TENM1: variants seen among roughly 807,000 people sequenced by gnomAD.
TENM1 encodes the protein teneurin transmembrane protein 1.
In TENM1, 35 loss-of-function variants were observed where a neutral mutation model predicts 174.8. The ratio of observed to expected loss-of-function variants is 0.20; its 90% confidence interval spans 0.15 to 0.27. The LOEUF (loss-of-function observed/expected upper bound fraction) is 0.27. Ranked by LOEUF, TENM1 falls within the 10% of genes least tolerant of loss-of-function variation. The pLI, the probability that TENM1 is intolerant of heterozygous loss-of-function variation, is 1.00. For missense variants in TENM1, 1,633 were observed against 2,130.1 expected (o/e 0.77, Z 4.59); for synonymous variants, 781 against 798.7 (o/e 0.98, Z 0.37).
At chrX:124,847,117 A>G (rs2147383378) in intron 3 of TENM1, among the ~76,000 whole-genome samples, 1 of 110,934 alleles carries the variant, frequency 9.0e-6, no homozygotes, top group East Asian at 2.8e-4. Flanking sequence ...ATATCTGTAC[A>G]GGTTTCTTTA....
intron 5 of TENM1, among the ~76,000 whole-genome samples, chrX:124,696,166 C>T (rs962579100): frequency 9.0e-6 from 1 of 111,714 alleles, no homozygotes; most frequent in African/African-American, 3.2e-5. Context: ...CTATTATAGC[C>T]TGGAGTAGCA....
intron 3 of TENM1, among the ~76,000 whole-genome samples, chrX:124,819,949 T>A (rs1021481944): frequency 2.2e-4 from 24 of 109,405 alleles, no homozygotes; most frequent in Admixed American, 9.8e-4. Flanking sequence ...GTGTGTACCA[T>A]CACGCCAGGC....
chrX:124,553,820 C>T (rs770067929), intron 14 of TENM1, among the ~76,000 whole-genome samples: 5 of 111,450 alleles, frequency 4.5e-5, no homozygotes, highest in Non-Finnish European at 9.4e-5. Context: ...AGTAAGCATT[C>T]AAGGCCCAGC....
the TENM1 span, among the ~76,000 whole-genome samples, chrX:125,191,820 C>T: frequency 8.9e-6 from 1 of 112,049 alleles, no homozygotes; most frequent in Non-Finnish European, 1.9e-5. Flanking sequence ...CATGTTTAAA[C>T]TTAATGCCCA....
intron 5 of TENM1, among the ~76,000 whole-genome samples, chrX:124,703,163 C>T (rs2052814664): frequency 9.0e-6 from 1 of 111,601 alleles, no homozygotes; most frequent in African/African-American, 3.3e-5. Context: ...GCCTGTTTTA[C>T]AGATGAGGAA....
chrX:124,584,259 GA>G (rs2049423682), intron 11 of TENM1, among the ~76,000 whole-genome samples: 3 of 109,334 alleles, frequency 2.7e-5, no homozygotes, highest in Non-Finnish European at 3.8e-5. Flanking sequence ...TGAAATGAAG[GA>G]AAAAATGTTA....
chrX:125,140,251 C>T, the TENM1 span, among the ~76,000 whole-genome samples: 1 of 111,839 alleles, frequency 8.9e-6, no homozygotes, highest in Non-Finnish European at 1.9e-5. Flanking sequence ...AAATACTATT[C>T]AGCCATAAAA....
At chrX:124,822,156 A>G (rs2056052977) in intron 3 of TENM1, among the ~76,000 whole-genome samples, 1 of 111,901 alleles carries the variant, frequency 8.9e-6, no homozygotes, top group Non-Finnish European at 1.9e-5. Flanking sequence ...TACTCCTAAC[A>G]CTTTTTCCCC....
At chrX:125,126,315 A>G in the TENM1 span, among the ~76,000 whole-genome samples, 1 of 111,579 alleles carries the variant, frequency 9.0e-6, no homozygotes, top group African/African-American at 3.3e-5. Flanking sequence ...CTGTGAAGTG[A>G]TAATTTGTTC....
chrX:124,605,002 T>C (rs746859088), intron 11 of TENM1, among the ~76,000 whole-genome samples: 20 of 106,864 alleles, frequency 1.9e-4, no homozygotes, highest in Non-Finnish European at 3.9e-4. Context: ...TCAGAGCAAA[T>C]AGAGGATTCC....
At position 124,392,116 on chromosome X, in the gene TENM1, C is replaced by T. The variant is rs1160387011; in HGVS notation, c.5624G>A (p.Ser1875Asn). 4 of 1,211,209 alleles carry T rather than the reference C, an allele frequency of 3.3e-6. No individual in the cohort carries two copies. Among genetic ancestry groups the T allele is most frequent in the East Asian group, 5.9e-5 (2 of 33,852 alleles). The change falls in exon 28 of 32, where the codon AGT becomes AAT. Residue 1875 changes from serine to asparagine, a missense_variant. By Grantham distance (46) the Ser-to-Asn change is conservative. Coordinates refer to ENST00000422452, the Ensembl canonical transcript of TENM1. ...CCAAGTTCTTGAAATAATTTTCCCA[C>T]TCTGGTCATATTCCATTTTTTCATT...
the TENM1 span, among the ~76,000 whole-genome samples, chrX:125,081,265 G>A: frequency 5.9e-3 from 651 of 111,020 alleles, 3 homozygotes; most frequent in African/African-American, 0.019. Context: ...CTAGATTGTC[G>A]TATTTTGTCC....
At chrX:125,140,182 C>T in the TENM1 span, among the ~76,000 whole-genome samples, 2 of 111,323 alleles carry the variant, frequency 1.8e-5, no homozygotes, top group African/African-American at 3.3e-5. Flanking sequence ...ATGTCTAACG[C>T]GACTGTGCCA....
In TENM1 at chrX:124,849,423, T is replaced by TTC. The variant is rs764565999; in HGVS notation, c.535+44871_535+44872dup. ...AAATTCTGCCTCTCTCTTTCTTTTTTTCTCTCTCTCTCTCTCTCTGTTGCT... is the reference window on the plus strand; with the variant it reads ...AAATTCTGCCTCTCTCTTTCTTTTTTTCTCTCTCTCTCTCTCTCTCTGTTGCT... On this transcript the variant is annotated intron_variant, in intron 3 of 31. Transcript: ENST00000422452. Among the ~76,000 whole-genome samples, 24 of 99,677 alleles carry TTC rather than the reference T, an allele frequency of 2.4e-4. 2 individuals carry two copies. The highest frequency in any genetic ancestry group is 7.2e-4 in the African/African-American group (16 of 22,127). 86.6% of individuals were successfully genotyped at this position (99,677 alleles called of 115,157 possible). A position where few individuals can be genotyped will look rare whatever the true frequency, so the allele number is the denominator to read the frequency against.
the TENM1 span, among the ~76,000 whole-genome samples, chrX:125,118,615 G>C: frequency 9.0e-6 from 1 of 111,119 alleles, no homozygotes; most frequent in Non-Finnish European, 1.9e-5. Flanking sequence ...CATTTGAAGT[G>C]ACACTTTACC....
intron 3 of TENM1, among the ~76,000 whole-genome samples, chrX:124,892,576 A>G (rs2057494650): frequency 8.9e-6 from 1 of 112,102 alleles, no homozygotes; most frequent in Non-Finnish European, 1.9e-5. Context: ...TAGAATAGTA[A>G]GCATCTTTGA....
At chrX:124,933,088 A>T (rs2058195882) in intron 1 of TENM1, among the ~76,000 whole-genome samples, 1 of 111,828 alleles carries the variant, frequency 8.9e-6, no homozygotes, top group Admixed American at 9.5e-5. Flanking sequence ...TTAAAACCAA[A>T]TCCTCCAACT....
intron 3 of TENM1, among the ~76,000 whole-genome samples, chrX:124,891,820 G>C (rs759179650): frequency 5.4e-5 from 6 of 111,517 alleles, no homozygotes; most frequent in African/African-American, 2.0e-4. Flanking sequence ...CCTTATGAGA[G>C]TCACACAAGA....
intron 18 of TENM1, among the ~76,000 whole-genome samples, chrX:124,509,843 C>T (rs1291604842): frequency 9.2e-6 from 1 of 108,155 alleles, no homozygotes; most frequent in Non-Finnish European, 1.9e-5. Flanking sequence ...GCCTCAGCCT[C>T]CCGAGTAGTT....
Sources: gnomAD v4.1 joint callset for allele counts (sites outside exome capture counted in the v4.1 genomes callset) on GRCh38, gnomAD v4.1.1 for gene constraint, MANE v1.5 for transcripts, NCBI Gene and HGNC (gene_info 2026-07-23, HGNC 2026-07-21) for gene names.